The following GABRA3 variants were observed in gnomAD, a reference collection of about 807,000 sequenced individuals.
GABRA3 encodes the protein gamma-aminobutyric acid receptor subunit alpha-3.
In GABRA3, 10 loss-of-function variants were observed where a neutral mutation model predicts 30.1. The observed-to-expected ratio is 0.33, with a 90% CI of 0.20 to 0.56. The LOEUF is 0.56. Ranked by LOEUF, GABRA3 falls within the 20% of genes least tolerant of loss-of-function variation. The pLI is 0.89. For missense variants in GABRA3, 233 were observed against 392.0 expected, an observed-to-expected ratio of 0.59 and a Z score of 3.42; for synonymous variants, 151 against 146.8, an observed-to-expected ratio of 1.03 and a Z score of -0.21.
chrX:152,302,059 G>T (rs1421299861), intron 3 of GABRA3, among the ~76,000 whole-genome samples: 1 of 110,810 alleles, frequency 9.0e-6, no homozygotes, highest in African/African-American at 3.3e-5. Flanking sequence ...TTTCTAAAAA[G>T]ACAATATATG....
intron 1 of GABRA3, among the ~76,000 whole-genome samples, chrX:152,377,646 T>A (rs192115551): frequency 7.3e-4 from 81 of 110,225 alleles, no homozygotes; most frequent in African/African-American, 2.0e-3. Flanking sequence ...AAGGAAATTT[T>A]AAAAAAAAGA....
intron 3 of GABRA3, among the ~76,000 whole-genome samples, chrX:152,331,332 C>T (rs921899732): frequency 9.0e-6 from 1 of 110,568 alleles, no homozygotes; most frequent in African/African-American, 3.3e-5. Flanking sequence ...AGCTAAGTAT[C>T]AGCAGTGCTA....
At chrX:152,254,113 C>A (rs1165457492) in intron 5 of GABRA3, among the ~76,000 whole-genome samples, 3 of 111,432 alleles carry the variant, frequency 2.7e-5, no homozygotes, top group Non-Finnish European at 5.7e-5. Context: ...TTTGCATTTC[C>A]AGAATTTACT....
chrX:152,414,158 A>G (rs142922399), intron 1 of GABRA3, among the ~76,000 whole-genome samples: 1 of 111,642 alleles, frequency 9.0e-6, no homozygotes, highest in East Asian at 2.8e-4. Context: ...TTTTATGTAC[A>G]TACAAAAACC....
At chrX:152,385,732 C>T (rs1218438210) in intron 1 of GABRA3, among the ~76,000 whole-genome samples, 1 of 111,431 alleles carries the variant, frequency 9.0e-6, no homozygotes, top group African/African-American at 3.3e-5. Context: ...TTGGGTCTAA[C>T]GTTTAAGTCT....
chrX:152,254,245 C>A (rs1304734364), intron 5 of GABRA3, among the ~76,000 whole-genome samples: 1 of 110,968 alleles, frequency 9.0e-6, no homozygotes, highest in African/African-American at 3.3e-5. Flanking sequence ...CATGTCCCTT[C>A]CCCTACTTCT....
At chrX:152,392,381 A>C in intron 1 of GABRA3, 1 of 340,411 alleles carries the variant, frequency 2.9e-6, no homozygotes, top group Non-Finnish European at 6.0e-6. Flanking sequence ...ACACTGTATG[A>C]CAAAAAATCA....
chrX:152,328,176 A>G (rs12558198), intron 3 of GABRA3, among the ~76,000 whole-genome samples: 2,204 of 111,665 alleles, frequency 0.02, 78 homozygotes, highest in Admixed American at 0.12. Flanking sequence ...GAATAGACCA[A>G]TAACAGGCTC....
chrX:152,179,144 A>G (rs1937111706), intron 9 of GABRA3, among the ~76,000 whole-genome samples: 1 of 111,828 alleles, frequency 8.9e-6, no homozygotes, highest in Non-Finnish European at 1.9e-5. Context: ...TTCACTTTTT[A>G]TAATTTTTAT....
intron 5 of GABRA3, among the ~76,000 whole-genome samples, chrX:152,238,257 G>T (rs1468693492): frequency 1.0e-5 from 1 of 97,404 alleles, no homozygotes; most frequent in Admixed American, 1.1e-4. Flanking sequence ...TAATCATGTG[G>T]TTTTTGTCTT....
intron 3 of GABRA3, among the ~76,000 whole-genome samples, chrX:152,303,780 G>T (rs1424720485): frequency 1.8e-5 from 2 of 109,613 alleles, no homozygotes; most frequent in Non-Finnish European, 3.8e-5. Flanking sequence ...ATGGACACAG[G>T]GAGGGGAACA....
At chrX:152,326,164 A>C (rs767205424) in intron 3 of GABRA3, among the ~76,000 whole-genome samples, 6 of 111,307 alleles carry the variant, frequency 5.4e-5, no homozygotes, top group Non-Finnish European at 1.1e-4. Context: ...AAAAAGAGTA[A>C]AAAGAAATGA....
At chrX:152,328,027 T>C (rs1240758543) in intron 3 of GABRA3, among the ~76,000 whole-genome samples, 2 of 111,432 alleles carry the variant, frequency 1.8e-5, no homozygotes, top group Non-Finnish European at 3.8e-5. Flanking sequence ...ATATCACCAC[T>C]GATCCCACAG....
chrX:152,268,777 C>A (rs1354894067), intron 4 of GABRA3, among the ~76,000 whole-genome samples: 1 of 111,003 alleles, frequency 9.0e-6, no homozygotes, highest in East Asian at 2.8e-4. Flanking sequence ...GTGATGTTGC[C>A]CAGGCTGGTC....
chrX:152,177,988 C>T (rs980044838), intron 9 of GABRA3, among the ~76,000 whole-genome samples: 1 of 111,591 alleles, frequency 9.0e-6, no homozygotes, highest in Admixed American at 9.5e-5. Flanking sequence ...GTGGCTTCCA[C>T]TTGCAAGGGC....
chrX:152,235,710 G>C (rs923185357), intron 5 of GABRA3, among the ~76,000 whole-genome samples: 2 of 111,375 alleles, frequency 1.8e-5, no homozygotes, highest in Admixed American at 9.6e-5. Context: ...AGAAATTGAA[G>C]ACACAAATAA....
chrX:152,385,789 C>A (rs983037703), intron 1 of GABRA3, among the ~76,000 whole-genome samples: 10 of 111,446 alleles, frequency 9.0e-5, no homozygotes, highest in Non-Finnish European at 1.3e-4. Context: ...AGGAAGGGAT[C>A]CAGTTTCAGC....
At chrX:152,271,965 G>A (rs936947072) in intron 4 of GABRA3, among the ~76,000 whole-genome samples, 1 of 112,157 alleles carries the variant, frequency 8.9e-6, no homozygotes, top group African/African-American at 3.2e-5. Flanking sequence ...GATTTCAGAG[G>A]ATATATGGAA....
At chrX:152,186,000 A>C (rs1275733029) in intron 9 of GABRA3, among the ~76,000 whole-genome samples, 1 of 111,407 alleles carries the variant, frequency 9.0e-6, no homozygotes, top group Non-Finnish European at 1.9e-5. Flanking sequence ...ATCCTCTTTG[A>C]TTCCTAATTC....
Sources: allele counts gnomAD v4.1 joint callset (sites outside exome capture counted in the v4.1 genomes callset), GRCh38; gene constraint gnomAD v4.1.1; transcripts MANE v1.5; gene names NCBI Gene and HGNC (gene_info 2026-07-23, HGNC 2026-07-21).